NFIB: variants seen among roughly 807,000 people sequenced by gnomAD.
NFIB encodes the protein nuclear factor I B.
A neutral mutation model predicts 61.5 loss-of-function variants in NFIB; 11 were observed. The ratio of observed to expected loss-of-function variants is 0.18; its 90% confidence interval spans 0.11 to 0.30. The LOEUF (loss-of-function observed/expected upper bound fraction) is 0.30, where lower values mean the gene tolerates loss of function less well. Ranked by LOEUF, NFIB falls within the 10% of genes least tolerant of loss-of-function variation. The pLI, the probability that NFIB is intolerant of heterozygous loss-of-function variation, is 1.00. For missense variants in NFIB, 471 were observed against 608.9 expected (o/e 0.77, Z 2.38); for synonymous variants, 260 against 216.5 (o/e 1.20, Z -1.76).
the NFIB span, among the ~76,000 whole-genome samples, chr9:14,476,092 A>C: frequency 1.3e-5 from 2 of 152,336 alleles, no homozygotes; most frequent in African/African-American, 4.8e-5. Flanking sequence ...TTTGAAACAG[A>C]CAGAAAAGTG....
At chr9:14,529,447 T>C in the NFIB span, among the ~76,000 whole-genome samples, 288 of 152,232 alleles carry the variant, frequency 1.9e-3, no homozygotes, top group Non-Finnish European at 2.9e-3. Context: ...AAAGAATCAG[T>C]GTCACGGTGA....
At chr9:14,093,847 A>T (rs1270748996) in intron 10 of NFIB, among the ~76,000 whole-genome samples, 1 of 152,118 alleles carries the variant, frequency 6.6e-6, no homozygotes, top group Non-Finnish European at 1.5e-5. Flanking sequence ...GCTCGCTCAG[A>T]CCAGTAGAAG....
intron 6 of NFIB, among the ~76,000 whole-genome samples, chr9:14,143,130 A>G (rs1373596820): frequency 6.6e-6 from 1 of 152,122 alleles, no homozygotes; most frequent in Admixed American, 6.6e-5. Context: ...CTATATTTGC[A>G]GAAGTATAAA....
chr9:14,125,841 T>C lies in NFIB; in HGVS notation c.926-75A>G, dbSNP rs972041871. 1.9e-6 allele frequency: 3 copies of C among 1,550,988 alleles called. No individual in the cohort carries two copies. In the African/African-American group the frequency reaches 4.1e-5, roughly 21 times the overall value. On this transcript the variant is annotated intron_variant, in intron 6 of 10. Coordinates refer to ENST00000380953, the MANE Select transcript of NFIB (RefSeq NM_001190737.2). ...AAGGTTCATGTCAACAAATGACAGA[T>C]CTCATCTTGCAACATTTTAGTATTC...
rs1419189362 is a variant in NFIB at position 14,227,508 on chromosome 9, C to T, written c.563-47728G>A. On this transcript the variant is annotated intron_variant, in intron 2 of 10. Transcript: ENST00000380953. The stretch of plus-strand genomic sequence containing the variant: ...AAATATATCATACTATGGAGAAAGG[C>T]ACACCTACTTTGGATTTTCATGAAT... Among the ~76,000 whole-genome samples, 3 of 152,268 alleles carry T rather than the reference C, an allele frequency of 2.0e-5. No homozygotes were observed. In the East Asian group the frequency reaches 5.8e-4, roughly 29 times the overall value.
At chr9:14,180,430 T>C (rs1265125374) in intron 2 of NFIB, among the ~76,000 whole-genome samples, 3 of 152,188 alleles carry the variant, frequency 2.0e-5, no homozygotes, top group South Asian at 2.1e-4. Context: ...CCATGACAGA[T>C]GGACAGACTT....
chr9:14,408,066 G>A, the NFIB span, among the ~76,000 whole-genome samples: 10 of 152,158 alleles, frequency 6.6e-5, no homozygotes, highest in African/African-American at 2.2e-4. Flanking sequence ...AAATGAAAAG[G>A]TTTAGTTAGT....
At chr9:14,505,168 C>T in the NFIB span, among the ~76,000 whole-genome samples, 1 of 152,100 alleles carries the variant, frequency 6.6e-6, no homozygotes, top group Non-Finnish European at 1.5e-5. Flanking sequence ...TCCTTACATC[C>T]TTGGTATGAA....
chr9:14,440,810 A>C, the NFIB span, among the ~76,000 whole-genome samples: 2 of 152,214 alleles, frequency 1.3e-5, no homozygotes, highest in Non-Finnish European at 2.9e-5. Flanking sequence ...ATAATCTGGG[A>C]ACATTCATTT....
chr9:14,083,205 A>T lies in NFIB; in HGVS notation c.*5104T>A, dbSNP rs2032301691. On this transcript the variant is annotated 3_prime_UTR_variant, in exon 11 of 11. Transcript: ENST00000380953. ...CTTTACTATTAACAATGTGACCAAC[A>T]GATCTGTGGCACGGACACAGTACAA... 4.5e-6 allele frequency: 1 copy of T among 223,392 alleles called. No homozygotes were observed. Among genetic ancestry groups the T allele is most frequent in the South Asian group, 1.8e-4 (1 of 5,454 alleles). The allele number at this position is 223,392 out of a possible 1,614,324, so 13.8% of individuals were successfully genotyped here.
chr9:14,347,012 G>C (rs999064387), intron 1 of NFIB, among the ~76,000 whole-genome samples: 5 of 151,954 alleles, frequency 3.3e-5, no homozygotes, highest in African/African-American at 1.2e-4. Context: ...GACGAAACTA[G>C]GCCAGCGAAA....
intron 10 of NFIB, among the ~76,000 whole-genome samples, chr9:14,104,211 G>C (rs1330844999): frequency 1.3e-5 from 2 of 151,898 alleles, no homozygotes; most frequent in Non-Finnish European, 2.9e-5. Context: ...CGGGTGCCTG[G>C]TCATAAATAC....
At chr9:14,095,488 C>T (rs190619304) in intron 10 of NFIB, among the ~76,000 whole-genome samples, 3 of 152,172 alleles carry the variant, frequency 2.0e-5, no homozygotes, top group Non-Finnish European at 4.4e-5. Flanking sequence ...TTCCTCTCTA[C>T]CCTGGGCTTC....
chr9:14,524,021 T>C, the NFIB span, among the ~76,000 whole-genome samples: 3 of 152,190 alleles, frequency 2.0e-5, no homozygotes, highest in Non-Finnish European at 4.4e-5. Context: ...TCATTACCAT[T>C]GATCAACCCA....
chr9:14,243,177 C>T (rs2054527280), intron 2 of NFIB, among the ~76,000 whole-genome samples: 1 of 152,126 alleles, frequency 6.6e-6, no homozygotes, highest in African/African-American at 2.4e-5. Context: ...TCCCTCCCTC[C>T]TTAGAAAGAC....
At chr9:14,482,578 C>T in the NFIB span, among the ~76,000 whole-genome samples, 6,755 of 152,282 alleles carry the variant, frequency 0.044, 190 homozygotes, top group African/African-American at 0.07. Flanking sequence ...CTGCATTCCT[C>T]AAGTATGTCT....
chr9:14,493,032 T>C, the NFIB span, among the ~76,000 whole-genome samples: 1 of 152,234 alleles, frequency 6.6e-6, no homozygotes, highest in East Asian at 1.9e-4. Flanking sequence ...GATGCTGTGC[T>C]CTAAATGGTA....
At chr9:14,344,093 GGA>G (rs965359256) in intron 1 of NFIB, among the ~76,000 whole-genome samples, 1 of 134,006 alleles carries the variant, frequency 7.5e-6, no homozygotes, top group Non-Finnish European at 1.5e-5. Flanking sequence ...TTAAAGAGAG[GGA>G]GAGAGAGAGA....
the NFIB span, among the ~76,000 whole-genome samples, chr9:14,439,417 T>C: frequency 6.6e-6 from 1 of 152,364 alleles, no homozygotes; most frequent in Non-Finnish European, 1.5e-5. Flanking sequence ...TTAATCTTTC[T>C]GTGTTTAAAT....
Sources: gnomAD v4.1 joint callset for allele counts (sites outside exome capture counted in the v4.1 genomes callset) on GRCh38, gnomAD v4.1.1 for gene constraint, MANE v1.5 for transcripts, NCBI Gene and HGNC (gene_info 2026-07-23, HGNC 2026-07-21) for gene names.